ANO2: variants seen among roughly 807,000 people sequenced by gnomAD.
The protein encoded by ANO2 is anoctamin-2.
Under a neutral mutation model 124.2 loss-of-function variants are expected in ANO2, and 101 were observed. The observed-to-expected ratio is 0.81, with a 90% CI of 0.69 to 0.96. The LOEUF (loss-of-function observed/expected upper bound fraction) is 0.96, where lower values mean the gene tolerates loss of function less well. Ranked by LOEUF, ANO2 falls within the 40% of genes least tolerant of loss-of-function variation. The pLI is 0.00. For synonymous variants in ANO2, 486 were observed against 482.5 expected, an observed-to-expected ratio of 1.01 and a Z score of -0.09; for missense variants, 1,293 against 1,274.5, an observed-to-expected ratio of 1.01 and a Z score of -0.22.
chr12:5,775,192 T>C (rs574855526), intron 10 of ANO2, among the ~76,000 whole-genome samples: 1 of 152,302 alleles, frequency 6.6e-6, no homozygotes, highest in South Asian at 2.1e-4. Context: ...TCCAAACTTT[T>C]TCTTTCCACT....
At chr12:5,809,702 T>A (rs17788821) in intron 7 of ANO2, among the ~76,000 whole-genome samples, 64,067 of 152,036 alleles carry the variant, frequency 0.42, 16,126 homozygotes, top group Middle Eastern at 0.55. Flanking sequence ...AAGCTTCCTG[T>A]GCACGGTGCA....
intron 10 of ANO2, among the ~76,000 whole-genome samples, chr12:5,766,221 A>T (rs1041184341): frequency 1.3e-5 from 2 of 152,316 alleles, no homozygotes; most frequent in Middle Eastern, 3.4e-3. Context: ...CAACAGAAAC[A>T]CACATATGTG....
chr12:5,780,965 T>C (rs75780418), intron 10 of ANO2, among the ~76,000 whole-genome samples: 10,756 of 152,288 alleles, frequency 0.071, 1,213 homozygotes, highest in African/African-American at 0.24. Flanking sequence ...AAGAAAGCCA[T>C]CTAGGAAAAT....
intron 10 of ANO2, among the ~76,000 whole-genome samples, chr12:5,775,280 C>CAGAG (rs140979068): frequency 1.1e-4 from 17 of 150,068 alleles, no homozygotes; most frequent in East Asian, 3.9e-4. Flanking sequence ...TGCACACACA[C>CAGAG]AGAGAGAGAG....
At chr12:5,720,604 A>G (rs1950191433) in intron 14 of ANO2, among the ~76,000 whole-genome samples, 1 of 152,248 alleles carries the variant, frequency 6.6e-6, no homozygotes, top group Non-Finnish European at 1.5e-5. Context: ...CAACTACGCT[A>G]TTCCAACATT....
At position 5,892,184 on chromosome 12, in the gene ANO2, G is replaced by A. The variant is rs150740291; in HGVS notation, c.534+28856C>T. Among the ~76,000 whole-genome samples, 826 of 152,174 alleles carry A rather than the reference G, an allele frequency of 5.4e-3. 6 individuals carry two copies. The highest frequency in any genetic ancestry group is 0.019 in the African/African-American group (802 of 41,532). ...TCAATAACAGAATTGAAGTGACAGA[G>A]GAGTCAGTATACTTGAAGAAATCAA... On this transcript the variant is annotated intron_variant, in intron 3 of 24. Coordinates refer to ENST00000682330, the MANE Select transcript of ANO2 (RefSeq NM_001364791.2).
At chr12:5,780,327 T>A (rs1952352205) in intron 10 of ANO2, among the ~76,000 whole-genome samples, 1 of 152,214 alleles carries the variant, frequency 6.6e-6, no homozygotes, top group Non-Finnish European at 1.5e-5. Context: ...ATATCATTAA[T>A]TTTTAATGGC....
rs180868920 is a variant in ANO2 at position 5,675,539 on chromosome 12, T to C, written c.1546-27738A>G. 3.5e-4 allele frequency among the ~76,000 whole-genome samples: 54 copies of C among 152,240 alleles called. 1 individual carries two copies. The East Asian group carries it at 4.1e-3, about 11-fold the overall frequency. The stretch of plus-strand genomic sequence containing the variant: ...TATTTCCAAACCCTAGCCTTTCTTA[T>C]AGGAAAGAGGAAGGGAACTCAACTT... On this transcript the variant is annotated intron_variant, in intron 14 of 24. Transcript: ENST00000682330.
At chr12:5,864,324 C>T (rs1181333475) in intron 3 of ANO2, among the ~76,000 whole-genome samples, 1 of 152,196 alleles carries the variant, frequency 6.6e-6, no homozygotes, top group Non-Finnish European at 1.5e-5. Context: ...ATCCATAAGC[C>T]CCAAAGATGT....
At chr12:5,763,547 G>A (rs1951796937) in intron 10 of ANO2, among the ~76,000 whole-genome samples, 1 of 152,002 alleles carries the variant, frequency 6.6e-6, no homozygotes, top group South Asian at 2.1e-4. Context: ...ACCAGAAAGA[G>A]TCTGGAAACA....
intron 7 of ANO2, among the ~76,000 whole-genome samples, chr12:5,824,976 T>C (rs1468473792): frequency 1.3e-5 from 2 of 152,176 alleles, no homozygotes; most frequent in East Asian, 1.9e-4. Context: ...GCCCCCATGA[T>C]TGAATTACCT....
chr12:5,886,331 C>T (rs1216302604), intron 3 of ANO2, among the ~76,000 whole-genome samples: 1 of 152,122 alleles, frequency 6.6e-6, no homozygotes, highest in Non-Finnish European at 1.5e-5. Flanking sequence ...TTTGTGACAT[C>T]GATGAGCCTG....
chr12:5,904,580 C>T lies in ANO2; in HGVS notation c.534+16460G>A, dbSNP rs543763348. 3.3e-5 allele frequency among the ~76,000 whole-genome samples: 5 copies of T among 152,324 alleles called. No homozygotes were observed. In the South Asian group the frequency reaches 1.0e-3, roughly 32 times the overall value. ...GCTTCCGGGGGCAGCTGACACTCCA[C>T]ATCGTCCTGTCCTCCCTGCCAGAGC... On this transcript the variant is annotated intron_variant, in intron 3 of 24. Transcript: ENST00000682330. This position sits in a 1 kb window ranked among gnomAD's most constrained non-coding sequence, Gnocchi z 4.1.
Position 5,900,060 on chromosome 12 carries a change from A to G in ANO2, c.534+20980T>C, listed in dbSNP as rs1940078467. Among the ~76,000 whole-genome samples the G allele has an allele frequency of 6.6e-6, 1 of 152,316 alleles. No individual in the cohort carries two copies. Among genetic ancestry groups the G allele is most frequent in the South Asian group, 2.1e-4 (1 of 4,822 alleles). ...AAAGCTGCAGTGGATAGGAAGCAAG[A>G]GAATTGGGAAGGGGGACAGGATGCA... is the stretch of plus-strand genomic sequence containing the variant. On this transcript the variant is annotated intron_variant, in intron 3 of 24. Transcript: ENST00000682330. This position sits in a 1 kb window ranked among gnomAD's most constrained non-coding sequence, Gnocchi z 4.2.
At chr12:5,728,354 C>T (rs932256492) in intron 14 of ANO2, among the ~76,000 whole-genome samples, 1 of 152,036 alleles carries the variant, frequency 6.6e-6, no homozygotes, top group Non-Finnish European at 1.5e-5. Context: ...TTTCTATATA[C>T]TGGCAGTGAA....
intron 10 of ANO2, among the ~76,000 whole-genome samples, chr12:5,763,457 C>T (rs1243203239): frequency 6.6e-6 from 1 of 151,962 alleles, no homozygotes; most frequent in East Asian, 1.9e-4. Context: ...TAATTTGTCT[C>T]CTGTTACCTG....
At chr12:5,732,749 G>T in intron 13 of ANO2, 119 bp from the exon 14 acceptor site, 1 of 1,536,194 alleles carries the variant, frequency 6.5e-7, no homozygotes, top group Non-Finnish European at 9.0e-7. Context: ...TATTGGATAT[G>T]AACTGCCCCA....
intron 3 of ANO2, among the ~76,000 whole-genome samples, chr12:5,918,596 C>T (rs759149458): frequency 1.3e-5 from 2 of 152,054 alleles, no homozygotes; most frequent in Admixed American, 6.5e-5. Context: ...AGCACCATCA[C>T]GCCTGGCTAA....
intron 10 of ANO2, among the ~76,000 whole-genome samples, chr12:5,772,767 C>T (rs752649289): frequency 6.6e-6 from 1 of 152,308 alleles, no homozygotes; most frequent in East Asian, 1.9e-4. Context: ...CTTTACAGTA[C>T]AATATCCCCT....
Sources: gnomAD v4.1 joint callset for allele counts (sites outside exome capture counted in the v4.1 genomes callset) on GRCh38, gnomAD v4.1.1 for gene constraint, Gnocchi (gnomAD v3.1) non-coding constraint, MANE v1.5 for transcripts, NCBI Gene and HGNC (gene_info 2026-07-23, HGNC 2026-07-21) for gene names.